CWH43: variants seen among roughly 807,000 people sequenced by gnomAD.
CWH43 encodes PGAP2-interacting protein.
A neutral mutation model predicts 85.7 loss-of-function variants in CWH43; 91 were observed. The observed-to-expected ratio is 1.06, with a 90% CI of 0.90 to 1.26. The LOEUF is 1.26. Ranked by LOEUF, CWH43 falls within the 50% of genes most tolerant of loss-of-function variation. CWH43 has a pLI of 0.00. For missense variants in CWH43, 869 were observed against 839.2 expected, an observed-to-expected ratio of 1.04 and a Z score of -0.44; for synonymous variants, 323 against 293.6, an observed-to-expected ratio of 1.10 and a Z score of -1.02.
rs140534523 is a variant in CWH43, at chr4:49,020,416, C to CACACACATATATATAT, written c.1266+3089_1266+3090insCACACATATATATATA. Among the ~76,000 whole-genome samples, 5 of 128,392 alleles carry CACACACATATATATAT rather than the reference C, an allele frequency of 3.9e-5. 1 individual carries two copies. The highest frequency in any genetic ancestry group is 5.3e-5 in the African/African-American group (2 of 37,708). 84.2% of individuals were successfully genotyped at this position (128,392 alleles called of 152,430 possible). A position where few individuals can be genotyped will look rare whatever the true frequency, so the allele number is the denominator to read the frequency against. On this transcript the variant is annotated intron_variant, in intron 9 of 15. Coordinates refer to ENST00000226432, the MANE Select transcript of CWH43 (RefSeq NM_025087.3). ...ACACACACACACACACACACACACA[C>CACACACATATATATAT]ATATATATATATAAATCATATTTTC...
intron 15 of CWH43, among the ~76,000 whole-genome samples, chr4:49,057,587 CTGCGGCTGT>C (rs1785007535): frequency 6.6e-6 from 1 of 152,136 alleles, no homozygotes; most frequent in African/African-American, 2.4e-5. Flanking sequence ...AATGTATACT[CTGCGGCTGT>C]TGGGTGAAAT....
At chr4:49,004,624 A>T (rs1158543875) in intron 7 of CWH43, among the ~76,000 whole-genome samples, 1 of 152,182 alleles carries the variant, frequency 6.6e-6, no homozygotes, top group Non-Finnish European at 1.5e-5. Context: ...TCCTGGCCTC[A>T]AGTGATCCTC....
intron 12 of CWH43, among the ~76,000 whole-genome samples, chr4:49,037,685 A>C (rs1784301599): frequency 1.3e-5 from 2 of 152,224 alleles, no homozygotes; most frequent in Admixed American, 1.3e-4. Flanking sequence ...ACTTTTTTAA[A>C]CTACTAATTC....
chr4:48,988,459 CTT>C lies in CWH43; in HGVS notation c.44-6_44-5del, dbSNP rs10537617. 44,725 of 1,213,946 alleles carry C rather than the reference CTT, an allele frequency of 0.037. 2 individuals carry two copies. The highest frequency in any genetic ancestry group is 0.046 in the Admixed American group (1,682 of 36,940). The allele number at this position is 1,213,946 out of a possible 1,614,324, so 75.2% of individuals were successfully genotyped here. On this transcript the variant is annotated splice_polypyrimidine_tract_variant and intron_variant, in intron 1 of 15. Coordinates refer to ENST00000226432, the MANE Select transcript of CWH43 (RefSeq NM_025087.3). ...TTGAAGTTACACTTTCTCTCTTTAA[CTT>C]TTTTTTTTTTTGTAGGATGTGTTTC...
In CWH43 at chr4:48,994,621, G is replaced by A; in HGVS notation, c.514G>A (p.Gly172Ser). The change falls in exon 5 of 16, where the codon GGT becomes AGT. Residue 172 changes from glycine to serine, a missense_variant and splice_region_variant. By Grantham distance (56) the Gly-to-Ser change is moderately conservative. This residue lies in a region of CWH43 where 152 missense variants were observed against 203.6 expected (regional missense o/e 0.75). Transcript: ENST00000226432. ...IATLDRIGTD[G>S]DCSKPEEKKT... ...ATATATGTATTTTTAAATTCTAGAT[G>A]GTGACTGCAGTAAACCTGAAGAAAA... 8 of 1,609,258 alleles carry A rather than the reference G, an allele frequency of 5.0e-6. No individual in the cohort carries two copies. Among genetic ancestry groups the A allele is most frequent in the Non-Finnish European group, 6.8e-6 (8 of 1,178,628 alleles).
rs1330899680 is a variant in CWH43 at position 49,007,273 on chromosome 4, CA to C, written c.1139del (p.Asn380ThrfsTer14). 2 of 1,610,156 alleles carry C rather than the reference CA, an allele frequency of 1.2e-6. No individual in the cohort carries two copies. The highest frequency in any genetic ancestry group is 1.1e-5 in the South Asian group (1 of 90,210). On this transcript the variant is annotated frameshift_variant, in exon 8 of 16. Transcript: ENST00000226432. LOFTEE classifies it high-confidence loss of function. ...PKKNLDLLLQ[T>X]KNSSKVLFRK... The stretch of plus-strand genomic sequence containing the variant: ...AAAAACCTTGACTTGCTTCTTCAAA[CA>C]AAAAACAGTTCTAAAGTGCTTTTCA...
At chr4:49,011,717 A>G (rs577727801) in intron 8 of CWH43, among the ~76,000 whole-genome samples, 36 of 152,252 alleles carry the variant, frequency 2.4e-4, no homozygotes, top group African/African-American at 8.7e-4. Context: ...TCTGTAAAGT[A>G]TTTTATTTCT....
intron 15 of CWH43, among the ~76,000 whole-genome samples, chr4:49,053,499 G>T (rs1784859188): frequency 6.6e-6 from 1 of 152,066 alleles, no homozygotes; most frequent in African/African-American, 2.4e-5. Context: ...ACAGGTGTGA[G>T]GTAATGTCTC....
chr4:48,994,862 G>A (rs767882350), intron 5 of CWH43, 42 bp downstream of exon 5: 38 of 1,546,038 alleles, frequency 2.5e-5, no homozygotes, highest in Non-Finnish European at 3.2e-5. Flanking sequence ...CGGCAGTTAT[G>A]CCTGGAGGAA....
At chr4:49,019,279 A>G (rs1192839501) in intron 9 of CWH43, among the ~76,000 whole-genome samples, 1 of 152,212 alleles carries the variant, frequency 6.6e-6, no homozygotes, top group Non-Finnish European at 1.5e-5. Context: ...ATGGGGGATT[A>G]GAGAAAACTG....
At chr4:49,024,642 G>T (rs1022309970) in intron 9 of CWH43, among the ~76,000 whole-genome samples, 1 of 152,128 alleles carries the variant, frequency 6.6e-6, no homozygotes, top group Non-Finnish European at 1.5e-5. Flanking sequence ...ATTCTTGGCT[G>T]ATAATTTTTT....
At chr4:49,011,525 C>T (rs946605015) in intron 8 of CWH43, among the ~76,000 whole-genome samples, 19 of 152,072 alleles carry the variant, frequency 1.2e-4, no homozygotes, top group East Asian at 5.8e-4. Context: ...GCTGGTTATT[C>T]GCCCATTAAT....
intron 12 of CWH43, among the ~76,000 whole-genome samples, chr4:49,034,206 A>G (rs1449733155): frequency 6.6e-6 from 1 of 152,108 alleles, no homozygotes; most frequent in Non-Finnish European, 1.5e-5. Flanking sequence ...TTTTTTTCCC[A>G]GTGATTTTCA....
chr4:49,015,227 C>G (rs1209888671), intron 8 of CWH43, among the ~76,000 whole-genome samples: 1 of 150,716 alleles, frequency 6.6e-6, no homozygotes, highest in African/African-American at 2.4e-5. Flanking sequence ...TATGTTTTTT[C>G]CTTTTTCTTT....
intron 15 of CWH43, among the ~76,000 whole-genome samples, chr4:49,059,391 C>T (rs979957942): frequency 3.3e-5 from 5 of 152,028 alleles, no homozygotes; most frequent in Admixed American, 6.5e-5. Flanking sequence ...CATCTGTGTT[C>T]TCTTGTAGCT....
intron 8 of CWH43, among the ~76,000 whole-genome samples, chr4:49,014,103 T>C (rs566806640): frequency 6.6e-6 from 1 of 152,162 alleles, no homozygotes. Flanking sequence ...CCAAAAGAAA[T>C]ATCACAAAAC....
At chr4:48,998,353 G>A (rs1421644627) in intron 5 of CWH43, 107 bp from the exon 6 acceptor site, 8 of 823,610 alleles carry the variant, frequency 9.7e-6, no homozygotes, top group South Asian at 7.9e-5. Flanking sequence ...TTTCACACAC[G>A]TTATCTCTTA....
chr4:49,043,951 G>T (rs1784545061), intron 13 of CWH43, among the ~76,000 whole-genome samples: 1 of 151,692 alleles, frequency 6.6e-6, no homozygotes, highest in African/African-American at 2.4e-5. Context: ...CTAAGCTTAA[G>T]AAAAAAATGA....
intron 11 of CWH43, among the ~76,000 whole-genome samples, chr4:49,032,045 A>G (rs1784116086): frequency 6.6e-6 from 1 of 152,216 alleles, no homozygotes; most frequent in East Asian, 1.9e-4. Context: ...GACCTGTCTC[A>G]GAGACTCCAT....
Sources: allele counts gnomAD v4.1 joint callset (sites outside exome capture counted in the v4.1 genomes callset), GRCh38; gene constraint gnomAD v4.1.1; regional missense constraint gnomAD v4.1.1; transcripts MANE v1.5; gene names NCBI Gene and HGNC (gene_info 2026-07-23, HGNC 2026-07-21).